CNTN3: variants seen among roughly 807,000 people sequenced by gnomAD.
CNTN3 encodes the protein contactin-3.
In CNTN3, 60 loss-of-function variants were observed where a neutral mutation model predicts 119.1. The observed-to-expected ratio is 0.50, with a 90% CI of 0.41 to 0.62. The LOEUF (loss-of-function observed/expected upper bound fraction) is 0.62, where lower values mean the gene tolerates loss of function less well. Among genes scored for constraint, CNTN3 ranks in the 20% least tolerant of loss-of-function variants. The probability of loss-of-function intolerance (pLI) is 0.00; values close to 1 mark genes in which losing one functional copy is unlikely to be tolerated. For missense variants in CNTN3, 1,101 were observed against 1,242.4 expected, an observed-to-expected ratio of 0.89 and a Z score of 1.71; for synonymous variants, 450 against 438.7, an observed-to-expected ratio of 1.03 and a Z score of -0.32.
At chr3:74,424,137 T>C (rs745705303) in intron 5 of CNTN3, among the ~76,000 whole-genome samples, 1 of 152,106 alleles carries the variant, frequency 6.6e-6, no homozygotes, top group Non-Finnish European at 1.5e-5. Context: ...ATGCCCTCTT[T>C]GTTCCTGCAA....
chr3:74,396,659 T>C (rs1273558139), intron 5 of CNTN3, among the ~76,000 whole-genome samples: 1 of 143,196 alleles, frequency 7.0e-6, no homozygotes, highest in African/African-American at 2.6e-5. Flanking sequence ...GGCAGGAGAA[T>C]GGCGAGAACC....
chr3:74,585,492 T>C (rs1704578180), intron 1 of CNTN3, among the ~76,000 whole-genome samples: 1 of 152,168 alleles, frequency 6.6e-6, no homozygotes, highest in African/African-American at 2.4e-5. Context: ...ATTCAAGTTT[T>C]AGAGAAGTAA....
chr3:74,369,128 C>T (rs1575665708), intron 8 of CNTN3, 61 bp downstream of exon 8: 1 of 1,302,990 alleles, frequency 7.7e-7, no homozygotes, highest in Non-Finnish European at 1.0e-6. Context: ...AAATAACAAC[C>T]ATATTTTATA....
chr3:74,313,829 T>A (rs1201270542), intron 13 of CNTN3, among the ~76,000 whole-genome samples: 1 of 152,006 alleles, frequency 6.6e-6, no homozygotes, highest in African/African-American at 2.4e-5. Context: ...AGACCCTCAA[T>A]CTCTCCTGGA....
At chr3:74,267,837 T>A (rs917549392) in intron 20 of CNTN3, among the ~76,000 whole-genome samples, 7 of 152,072 alleles carry the variant, frequency 4.6e-5, no homozygotes, top group Non-Finnish European at 1.0e-4. Flanking sequence ...CGGGACTTAT[T>A]TTGACGCATA....
intron 21 of CNTN3, 93 bp downstream of exon 21, chr3:74,267,173 A>G (rs1486860631): frequency 1.4e-6 from 1 of 710,616 alleles, no homozygotes; most frequent in East Asian, 2.6e-5. Context: ...CAGAAACCAT[A>G]TCAATATATA....
intron 1 of CNTN3, among the ~76,000 whole-genome samples, chr3:74,578,193 T>G (rs1704448524): frequency 6.6e-6 from 1 of 151,990 alleles, no homozygotes; most frequent in Non-Finnish European, 1.5e-5. Context: ...AAATAACCCC[T>G]CAACCAGACT....
At chr3:74,441,379 T>C (rs773210300) in intron 4 of CNTN3, among the ~76,000 whole-genome samples, 24 of 152,306 alleles carry the variant, frequency 1.6e-4, no homozygotes, top group Non-Finnish European at 2.9e-4. Context: ...TTTCTCTGGC[T>C]AAGTAAACAA....
At chr3:74,291,031 A>T (rs1320605657) in intron 19 of CNTN3, among the ~76,000 whole-genome samples, 1 of 151,760 alleles carries the variant, frequency 6.6e-6, no homozygotes, top group Non-Finnish European at 1.5e-5. Flanking sequence ...GTATATCTCC[A>T]AATGCTATCC....
At chr3:74,464,281 A>G (rs1020035009) in intron 4 of CNTN3, among the ~76,000 whole-genome samples, 1 of 152,178 alleles carries the variant, frequency 6.6e-6, no homozygotes, top group Non-Finnish European at 1.5e-5. Context: ...GCAAAAAATC[A>G]TAAAATCTAC....
chr3:74,272,072 A>C (rs1701788225), intron 20 of CNTN3, among the ~76,000 whole-genome samples: 1 of 152,224 alleles, frequency 6.6e-6, no homozygotes, highest in African/African-American at 2.4e-5. Context: ...GAACACTTAC[A>C]ATTGTCTAGA....
chr3:74,526,148 A>T (rs1559646042), intron 1 of CNTN3, among the ~76,000 whole-genome samples: 1 of 151,870 alleles, frequency 6.6e-6, no homozygotes, highest in Non-Finnish European at 1.5e-5. Flanking sequence ...CATCTACAAA[A>T]AGTCATCTCC....
chr3:74,477,207 CAGA>C (rs1430623461), intron 4 of CNTN3, among the ~76,000 whole-genome samples: 1 of 152,138 alleles, frequency 6.6e-6, no homozygotes, highest in East Asian at 1.9e-4. Flanking sequence ...CCTGTCTGTA[CAGA>C]AGAAGAACCT....
At chr3:74,332,268 G>T (rs1276090087) in intron 13 of CNTN3, among the ~76,000 whole-genome samples, 2 of 152,192 alleles carry the variant, frequency 1.3e-5, no homozygotes, top group African/African-American at 4.8e-5. Flanking sequence ...CCCTTCTCAT[G>T]CAACAGAAAA....
chr3:74,407,352 T>A (rs1701346969), intron 5 of CNTN3, among the ~76,000 whole-genome samples: 1 of 128,416 alleles, frequency 7.8e-6, no homozygotes, highest in Admixed American at 9.7e-5. Flanking sequence ...CACCATAACC[T>A]CCACCTCCTG....
chr3:74,537,520 CCTAA>C (rs1011138875), intron 1 of CNTN3, among the ~76,000 whole-genome samples: 33 of 152,252 alleles, frequency 2.2e-4, no homozygotes, highest in African/African-American at 7.7e-4. Context: ...AAATTCCAGT[CCTAA>C]CTGTCAATAA....
chr3:74,512,917 G>A (rs1474033131), intron 2 of CNTN3, among the ~76,000 whole-genome samples: 2 of 144,444 alleles, frequency 1.4e-5, no homozygotes, highest in Non-Finnish European at 3.1e-5. Context: ...TCGCTTGCAA[G>A]TGTGCAGACA....
intron 2 of CNTN3, among the ~76,000 whole-genome samples, chr3:74,512,058 A>G (rs933968812): frequency 1.6e-4 from 25 of 152,290 alleles, no homozygotes; most frequent in African/African-American, 6.0e-4. Flanking sequence ...AATGATATCT[A>G]TAATATAGGA....
intron 19 of CNTN3, among the ~76,000 whole-genome samples, chr3:74,292,453 C>G (rs1341596770): frequency 6.6e-6 from 1 of 152,146 alleles, no homozygotes; most frequent in Non-Finnish European, 1.5e-5. Context: ...GTAATCCCAG[C>G]TACTAGAGAG....
Sources: gnomAD v4.1 joint callset for allele counts (sites outside exome capture counted in the v4.1 genomes callset) on GRCh38, gnomAD v4.1.1 for gene constraint, MANE v1.5 for transcripts, NCBI Gene and HGNC (gene_info 2026-07-23, HGNC 2026-07-21) for gene names.